FGD5: variants seen among roughly 807,000 people sequenced by gnomAD.
FGD5 encodes the protein FYVE, RhoGEF and PH domain containing 5.
Under a neutral mutation model 133.4 loss-of-function variants are expected in FGD5, and 28 were observed. The observed-to-expected ratio is 0.21, with a 90% confidence interval of 0.16 to 0.29. The LOEUF (loss-of-function observed/expected upper bound fraction) is 0.29, where lower values mean the gene tolerates loss of function less well. FGD5 is among the 10% of genes least tolerant of loss of function. The probability of loss-of-function intolerance (pLI) is 1.00; values close to 1 mark genes in which losing one functional copy is unlikely to be tolerated. For missense variants in FGD5, 1,858 were observed against 1,895.2 expected, an observed-to-expected ratio of 0.98 and a Z score of 0.36; for synonymous variants, 810 against 776.5, an observed-to-expected ratio of 1.04 and a Z score of -0.72.
Position 14,821,274 on chromosome 3 carries a change from T to C in FGD5, c.2203T>C (p.Phe735Leu). The change falls in exon 1 of 20, where the codon TTC becomes CTC. Residue 735 changes from phenylalanine to leucine, a missense_variant. Phe to Leu is a conservative substitution (Grantham distance 22). Around this residue, in one of 3 missense-constraint regions of FGD5, gnomAD observed 1,824 missense variants for 1,848.9 expected, o/e 0.99. Transcript: ENST00000285046. The stretch of plus-strand genomic sequence containing the variant: ...AGATGGCAAGAGGAAAGGTGTCCCC[T>C]TCAGCAGGACGGTGTCCAGAGTGGA... ...YRDGKRKGVPFSRTVSRVESF... is the reference protein window; with the variant it reads ...YRDGKRKGVPLSRTVSRVESF... 1 of 1,613,930 alleles carries C rather than the reference T, an allele frequency of 6.2e-7. No individual in the cohort carries two copies. Among genetic ancestry groups the C allele is most frequent in the Admixed American group, 1.7e-5 (1 of 60,020 alleles).
At chr3:14,914,490 C>T (rs1334052408) in intron 11 of FGD5, among the ~76,000 whole-genome samples, 3 of 152,186 alleles carry the variant, frequency 2.0e-5, no homozygotes, top group East Asian at 3.8e-4. Flanking sequence ...AGCCTGGTCC[C>T]GAAAGGCGAA....
At chr3:14,919,656 T>G (rs1459018680) in intron 13 of FGD5, among the ~76,000 whole-genome samples, 1 of 152,088 alleles carries the variant, frequency 6.6e-6, no homozygotes, top group Non-Finnish European at 1.5e-5. Context: ...TACCATAAAC[T>G]GAGTGACTTA....
In FGD5 at chr3:14,876,521, AAAAT is replaced by A. The variant is rs529307518; in HGVS notation, c.2659-4027_2659-4024del. On this transcript the variant is annotated intron_variant, in intron 2 of 19. Transcript: ENST00000285046. The stretch of plus-strand genomic sequence containing the variant: ...TAATACAAGTAGCACTTTTATGCAA[AAAAT>A]AAATAAATAAATAAATAAATAAACC... 2.6e-4 allele frequency among the ~76,000 whole-genome samples: 40 copies of A among 152,238 alleles called. No individual in the cohort carries two copies. In the South Asian group the frequency reaches 2.7e-3, roughly 10 times the overall value.
At chr3:14,827,286 T>TTTTC (rs1559470829) in intron 1 of FGD5, among the ~76,000 whole-genome samples, 4 of 121,010 alleles carry the variant, frequency 3.3e-5, no homozygotes, top group Non-Finnish European at 3.4e-5. Flanking sequence ...GTATTCTTTT[T>TTTTC]TTTTTTTTTT....
chr3:14,881,352 T>C (rs1482022778), intron 4 of FGD5, among the ~76,000 whole-genome samples: 1 of 152,102 alleles, frequency 6.6e-6, no homozygotes, highest in Non-Finnish European at 1.5e-5. Flanking sequence ...CCCTTTGCAG[T>C]CAGCTCAGTT....
chr3:14,844,283 C>G lies in FGD5; in HGVS notation c.2526-19845C>G, dbSNP rs1208295103. Among the ~76,000 whole-genome samples, 13 of 102,588 alleles carry G rather than the reference C, an allele frequency of 1.3e-4. No homozygotes were observed. The Admixed American group carries it at 1.6e-3, about 13-fold the overall frequency. The allele number at this position is 102,588 out of a possible 152,430, so 67.3% of individuals were successfully genotyped here. On this transcript the variant is annotated intron_variant, in intron 1 of 19. Transcript: ENST00000285046. ...ATATATATATATATAATGCAGGTTT[C>G]CAGGCCCTTCCCCTGAGACTCGGAT...
At chr3:14,821,916 A>G (rs1248464462) in intron 1 of FGD5, among the ~76,000 whole-genome samples, 1 of 152,180 alleles carries the variant, frequency 6.6e-6, no homozygotes. Context: ...CCTGGTCAAC[A>G]TGGTGAAACC....
intron 18 of FGD5, among the ~76,000 whole-genome samples, chr3:14,926,828 G>C (rs552201101): frequency 6.6e-6 from 1 of 152,124 alleles, no homozygotes; most frequent in African/African-American, 2.4e-5. Context: ...ACCAGCTGGT[G>C]GCTTCTAGGT....
intron 2 of FGD5, among the ~76,000 whole-genome samples, chr3:14,869,866 C>T (rs1216401235): frequency 2.6e-5 from 4 of 152,192 alleles, no homozygotes; most frequent in African/African-American, 9.7e-5. Context: ...GTTGCTTTCA[C>T]CTCTTGGCTG....
chr3:14,827,658 C>T (rs2036626729), intron 1 of FGD5, among the ~76,000 whole-genome samples: 1 of 152,160 alleles, frequency 6.6e-6, no homozygotes, highest in African/African-American at 2.4e-5. Context: ...GTTTGTCGCT[C>T]TGTTGGCAAC....
chr3:14,880,835 G>T, intron 4 of FGD5, 63 bp downstream of exon 4: 1 of 1,582,564 alleles, frequency 6.3e-7, no homozygotes, highest in Non-Finnish European at 8.6e-7. Context: ...GATATAAGAG[G>T]CAGGAAAGCA....
At chr3:14,822,842 C>T (rs1431257283) in intron 1 of FGD5, among the ~76,000 whole-genome samples, 1 of 152,144 alleles carries the variant, frequency 6.6e-6, no homozygotes, top group Non-Finnish European at 1.5e-5. Context: ...CTAGGGGACC[C>T]GCAGTCTTGA....
In FGD5 at chr3:14,898,681, C is replaced by T. The variant is rs533497825; in HGVS notation, c.3067-58C>T. 28 of 1,402,176 alleles carry T rather than the reference C, an allele frequency of 2.0e-5. No homozygotes were observed. In the East Asian group the frequency reaches 6.5e-4, roughly 32 times the overall value. 86.9% of individuals were successfully genotyped at this position (1,402,176 alleles called of 1,614,324 possible). ...GACAGTGTATATGGGCTGCTGTGAG[C>T]ATGGTGCCTTCAGGAGGGGTTTCTG... On this transcript the variant is annotated intron_variant, in intron 6 of 19. Transcript: ENST00000285046.
intron 6 of FGD5, among the ~76,000 whole-genome samples, 192 bp downstream of exon 6, chr3:14,898,287 G>A (rs1369882885): frequency 6.6e-6 from 1 of 152,148 alleles, no homozygotes; most frequent in Non-Finnish European, 1.5e-5. Flanking sequence ...CCGCTGTTGG[G>A]CAGCAGATGA....
At chr3:14,881,613 C>T (rs561496669) in intron 4 of FGD5, among the ~76,000 whole-genome samples, 2 of 152,328 alleles carry the variant, frequency 1.3e-5, no homozygotes, top group Admixed American at 6.5e-5. Context: ...CTTCCTGCTC[C>T]CTTGAGCTCT....
intron 1 of FGD5, among the ~76,000 whole-genome samples, chr3:14,833,197 C>T (rs1443326220): frequency 6.6e-6 from 1 of 152,074 alleles, no homozygotes; most frequent in African/African-American, 2.4e-5. Flanking sequence ...GAGGCCTGAT[C>T]TTTGGCTGTT....
chr3:14,828,596 C>A (rs966828789), intron 1 of FGD5, among the ~76,000 whole-genome samples: 2 of 152,090 alleles, frequency 1.3e-5, no homozygotes, highest in Non-Finnish European at 2.9e-5. Flanking sequence ...AGTCCGCTAG[C>A]GTTCCCGGAG....
chr3:14,831,576 G>A (rs1297223734), intron 1 of FGD5, among the ~76,000 whole-genome samples: 1 of 152,156 alleles, frequency 6.6e-6, no homozygotes, highest in Non-Finnish European at 1.5e-5. Flanking sequence ...GACCATGCTA[G>A]TCCAGGGAAC....
chr3:14,902,450 G>A (rs1390291781), intron 9 of FGD5, among the ~76,000 whole-genome samples: 1 of 152,118 alleles, frequency 6.6e-6, no homozygotes, highest in Non-Finnish European at 1.5e-5. Context: ...CCTGCTAGGT[G>A]GCTAGGCGTT....
Sources: gnomAD v4.1 joint callset for allele counts (sites outside exome capture counted in the v4.1 genomes callset) on GRCh38, gnomAD v4.1.1 for gene constraint, gnomAD v4.1.1 regional missense constraint, MANE v1.5 for transcripts, NCBI Gene and HGNC (gene_info 2026-07-23, HGNC 2026-07-21) for gene names.